Variants in EFCAB8 observed in about 807,000 individuals in gnomAD.
The protein encoded by EFCAB8 is EF-hand calcium binding domain 8, also known as EF-hand calcium-binding domain-containing protein 8.
A neutral mutation model predicts 116.3 loss-of-function variants in EFCAB8; 100 were observed. The ratio of observed to expected loss-of-function variants is 0.86; its 90% CI spans 0.73 to 1.02. The LOEUF (loss-of-function observed/expected upper bound fraction) is 1.02. Ranked by LOEUF, EFCAB8 falls within the 50% of genes least tolerant of loss-of-function variation. EFCAB8 has a pLI of 0.00. For missense variants in EFCAB8, 1,320 were observed against 1,416.9 expected, an observed-to-expected ratio of 0.93 and a Z score of 1.10; for synonymous variants, 558 against 567.9, an observed-to-expected ratio of 0.98 and a Z score of 0.25.
At chr20:32,897,756 C>A (rs1289141354) in intron 10 of EFCAB8, among the ~76,000 whole-genome samples, 1 of 152,158 alleles carries the variant, frequency 6.6e-6, no homozygotes, top group Non-Finnish European at 1.5e-5. Flanking sequence ...GGTTTTCCCT[C>A]CAGGTCTCAC....
In EFCAB8 at chr20:32,919,986, G is replaced by A. The variant is rs578000542; in HGVS notation, c.2275-92G>A. ...GTACCTACTGCGGGGGCTTGGGAGT[G>A]CCGCTCTTTTATCATCTTCCTCTGG... On this transcript the variant is annotated intron_variant, in intron 19 of 26. Coordinates refer to ENST00000400522, the MANE Select transcript of EFCAB8 (RefSeq NM_001143967.2). 7.2e-5 allele frequency: 108 copies of A among 1,508,600 alleles called. No individual in the cohort carries two copies. The South Asian group carries it at 1.3e-3, about 18-fold the overall frequency. The allele number at this position is 1,508,600 out of a possible 1,614,324, so 93.5% of individuals were successfully genotyped here. A position where few individuals can be genotyped will look rare whatever the true frequency, so the allele number is the denominator to read the frequency against.
chr20:32,929,537 C>T (rs1345874799), intron 20 of EFCAB8, among the ~76,000 whole-genome samples: 1 of 117,470 alleles, frequency 8.5e-6, no homozygotes, highest in Non-Finnish European at 1.6e-5. Context: ...GAGATAGGGT[C>T]TCACTATGTT....
chr20:32,925,065 G>A (rs1417178821), intron 20 of EFCAB8, among the ~76,000 whole-genome samples: 3 of 152,162 alleles, frequency 2.0e-5, no homozygotes, highest in East Asian at 1.9e-4. Flanking sequence ...CAGACAGGGA[G>A]TGGGTGGGGG....
At chr20:32,913,346 T>C (rs1351707050) in intron 17 of EFCAB8, among the ~76,000 whole-genome samples, 1 of 152,170 alleles carries the variant, frequency 6.6e-6, no homozygotes, top group African/African-American at 2.4e-5. Context: ...GAAATCTCTC[T>C]GGGGCCTCCT....
chr20:32,951,448 A>AT (rs764326042), intron 23 of EFCAB8, among the ~76,000 whole-genome samples: 1 of 152,260 alleles, frequency 6.6e-6, no homozygotes, highest in Non-Finnish European at 1.5e-5. Context: ...GATTCTATTT[A>AT]TTTTTTCCCA....
intron 4 of EFCAB8, 56 bp downstream of exon 4, chr20:32,876,100 C>A: frequency 7.0e-7 from 1 of 1,435,344 alleles, no homozygotes; most frequent in South Asian, 1.2e-5. Flanking sequence ...AGGGTCCAGT[C>A]CTTGACCAGT....
chr20:32,882,835 A>G (rs1985410525), intron 5 of EFCAB8, among the ~76,000 whole-genome samples: 1 of 152,072 alleles, frequency 6.6e-6, no homozygotes, highest in Non-Finnish European at 1.5e-5. Flanking sequence ...AGCTGGGACT[A>G]CAGGCGCCCA....
chr20:32,860,493 C>CTTTTTTTTTTTT (rs71190881), intron 1 of EFCAB8, among the ~76,000 whole-genome samples: 11 of 83,994 alleles, frequency 1.3e-4, no homozygotes, highest in African/African-American at 7.0e-4. Context: ...ATGGTGGTAA[C>CTTTTTTTTTTTT]TTTTTTTTTT....
Position 32,867,663 on chromosome 20 carries a change from C to T in EFCAB8, c.124C>T (p.Leu42Phe). 9.7e-6 allele frequency: 15 copies of T among 1,551,670 alleles called. No individual in the cohort carries two copies. The highest frequency in any genetic ancestry group is 1.3e-5 in the Non-Finnish European group (15 of 1,146,992). Residue 42 changes from leucine (L) to phenylalanine (F), a missense_variant, in exon 3 of 27, where the codon CTC (leucine) becomes TTC (phenylalanine). Leu to Phe is a conservative substitution (Grantham distance 22). Coordinates refer to ENST00000400522, the MANE Select transcript of EFCAB8 (RefSeq NM_001143967.2). ...CATCACCCTTAGCCAGGTGCCTGAC[C>T]TCCAGCCTGGGTCCCAGCTGTTTAC... is the stretch of plus-strand genomic sequence containing the variant. Reference protein sequence around the residue: ...PSITLSQVPDLQPGSQLFTEI... With the variant: ...PSITLSQVPDFQPGSQLFTEI...
chr20:32,878,788 C>T lies in EFCAB8; in HGVS notation c.412C>T (p.Pro138Ser). The T allele has an allele frequency of 6.4e-7, 1 of 1,552,214 alleles. No homozygotes were observed. Among genetic ancestry groups the T allele is most frequent in the Non-Finnish European group, 8.7e-7 (1 of 1,147,102 alleles). ...CCAGTACCGCCTGCACTTCTACCTT[C>T]CCATGACGGTCGTCCCCCTGTAAGG... ...KSQYRLHFYL[P>S]MTVVPLNHGC... is the part of the protein sequence containing the mutation. Residue 138 changes from proline to serine, a missense_variant, in exon 5 of 27, where the codon CCC becomes TCC. Transcript: ENST00000400522.
At chr20:32,885,207 G>A (rs74342009) in intron 5 of EFCAB8, among the ~76,000 whole-genome samples, 4,175 of 152,244 alleles carry the variant, frequency 0.027, 167 homozygotes, top group African/African-American at 0.092. Flanking sequence ...GTCCCATCAC[G>A]TCGCGAGGAG....
intron 5 of EFCAB8, among the ~76,000 whole-genome samples, chr20:32,884,903 A>T (rs565384023): frequency 6.6e-6 from 1 of 152,294 alleles, no homozygotes; most frequent in Non-Finnish European, 1.5e-5. Context: ...CAACCCACAG[A>T]GGGGAGCATC....
intron 20 of EFCAB8, 104 bp from the exon 21 acceptor site, chr20:32,930,294 G>T: frequency 1.0e-6 from 1 of 957,394 alleles, no homozygotes; most frequent in Non-Finnish European, 1.5e-6. Flanking sequence ...TGGGCATCTA[G>T]GAAACTGGGG....
At chr20:32,919,114 G>A (rs1282638555) in intron 19 of EFCAB8, among the ~76,000 whole-genome samples, 1 of 152,218 alleles carries the variant, frequency 6.6e-6, no homozygotes, top group Non-Finnish European at 1.5e-5. Flanking sequence ...AGCAGGAGGA[G>A]TTACTGTTTC....
intron 22 of EFCAB8, among the ~76,000 whole-genome samples, chr20:32,935,192 C>CTTTTTTTTTTTTTTTTTTTTTTTTTT (rs753039647): frequency 7.9e-4 from 27 of 34,044 alleles, no homozygotes; most frequent in South Asian, 3.7e-3. Flanking sequence ...TTCTTTCTTT[C>CTTTTTTTTTTTTTTTTTTTTTTTTTT]TTTTTTTTTT....
At chr20:32,960,371 G>A (rs1214269346) in intron 26 of EFCAB8, among the ~76,000 whole-genome samples, 1 of 152,228 alleles carries the variant, frequency 6.6e-6, no homozygotes, top group Non-Finnish European at 1.5e-5. Context: ...GGTCAGTGGT[G>A]CAGCTTTTGT....
At chr20:32,863,027 T>C (rs1984194599) in intron 1 of EFCAB8, among the ~76,000 whole-genome samples, 1 of 151,828 alleles carries the variant, frequency 6.6e-6, no homozygotes, top group African/African-American at 2.4e-5. Context: ...TTTTTTTTCC[T>C]TCTCTGCCAT....
At chr20:32,940,160 C>T (rs1225793436) in intron 22 of EFCAB8, among the ~76,000 whole-genome samples, 1 of 147,686 alleles carries the variant, frequency 6.8e-6, no homozygotes, top group Non-Finnish European at 1.5e-5. Context: ...ACTCACAATT[C>T]CCAAGTTCAA....
chr20:32,883,216 T>C (rs1760388631), intron 5 of EFCAB8, among the ~76,000 whole-genome samples: 1 of 152,208 alleles, frequency 6.6e-6, no homozygotes, highest in Non-Finnish European at 1.5e-5. Context: ...CATCTGGGTA[T>C]TTCAGGTTTC....
Sources: allele counts gnomAD v4.1 joint callset (sites outside exome capture counted in the v4.1 genomes callset), GRCh38; gene constraint gnomAD v4.1.1; transcripts MANE v1.5; gene names NCBI Gene and HGNC (gene_info 2026-07-23, HGNC 2026-07-21).